The following LRRTM4 variants were observed in gnomAD, a reference collection of about 807,000 sequenced individuals.
LRRTM4 encodes leucine-rich repeat transmembrane neuronal protein 4.
Under a neutral mutation model 47.6 loss-of-function variants are expected in LRRTM4, and 25 were observed. That is an observed-to-expected ratio of 0.53 (90% confidence interval 0.38 to 0.73). The LOEUF (loss-of-function observed/expected upper bound fraction) is 0.73. LRRTM4 is among the 30% of genes least tolerant of loss of function. The probability of loss-of-function intolerance (pLI) is 0.00; values close to 1 mark genes in which losing one functional copy is unlikely to be tolerated. For missense variants in LRRTM4, 638 were observed against 713.4 expected (o/e 0.89, Z 1.20); for synonymous variants, 311 against 269.5 (o/e 1.15, Z -1.51).
intron 3 of LRRTM4, among the ~76,000 whole-genome samples, chr2:76,824,375 G>A (rs1047236384): frequency 6.6e-6 from 1 of 151,524 alleles, no homozygotes; most frequent in Admixed American, 6.6e-5. Flanking sequence ...CTGCATAATT[G>A]TCATAGAATG....
chr2:77,196,564 C>G (rs187389538), intron 3 of LRRTM4, among the ~76,000 whole-genome samples: 3 of 151,972 alleles, frequency 2.0e-5, no homozygotes, highest in Admixed American at 1.3e-4. Flanking sequence ...GCCAATATGG[C>G]GAAACCTCAC....
At chr2:77,045,219 T>C (rs1438277378) in intron 3 of LRRTM4, among the ~76,000 whole-genome samples, 1 of 150,756 alleles carries the variant, frequency 6.6e-6, no homozygotes, top group African/African-American at 2.4e-5. Context: ...TTTTAAATGT[T>C]TGTTACAAAA....
intron 3 of LRRTM4, among the ~76,000 whole-genome samples, chr2:76,769,680 A>C (rs1224520435): frequency 6.6e-6 from 1 of 152,152 alleles, no homozygotes; most frequent in Non-Finnish European, 1.5e-5. Flanking sequence ...TGACGCCAAC[A>C]TACTGAATTC....
chr2:76,932,180 C>G (rs1674791871), intron 3 of LRRTM4, among the ~76,000 whole-genome samples: 4 of 152,078 alleles, frequency 2.6e-5, no homozygotes, highest in African/African-American at 9.7e-5. Context: ...CAGATGTGAT[C>G]ACCTCCTTAG....
intron 3 of LRRTM4, among the ~76,000 whole-genome samples, chr2:77,370,776 T>C (rs1672628548): frequency 6.6e-6 from 1 of 151,638 alleles, no homozygotes; most frequent in African/African-American, 2.4e-5. Flanking sequence ...TGTCAGAGGA[T>C]TTATTATTAT....
intron 3 of LRRTM4, chr2:77,009,864 C>T (rs1290347347): frequency 1.3e-5 from 2 of 151,764 alleles, no homozygotes; most frequent in African/African-American, 4.8e-5. Context: ...TAAAGAAGAC[C>T]TCTTCAAGTC....
intron 3 of LRRTM4, among the ~76,000 whole-genome samples, chr2:77,012,815 G>A (rs1677922861): frequency 6.6e-6 from 1 of 152,088 alleles, no homozygotes; most frequent in Non-Finnish European, 1.5e-5. Flanking sequence ...CTCAAACAAG[G>A]ATTGCTTTGC....
intron 3 of LRRTM4, among the ~76,000 whole-genome samples, chr2:77,494,230 C>G (rs1678275815): frequency 6.6e-6 from 1 of 151,998 alleles, no homozygotes; most frequent in African/African-American, 2.4e-5. Flanking sequence ...ACTTATGAGG[C>G]TAGAAATGTA....
chr2:76,913,039 T>C (rs1218584843), intron 3 of LRRTM4, among the ~76,000 whole-genome samples: 1 of 152,204 alleles, frequency 6.6e-6, no homozygotes, highest in African/African-American at 2.4e-5. Flanking sequence ...TTTCCTACCT[T>C]AGACAACACT....
At chr2:77,260,536 A>G (rs556531808) in intron 3 of LRRTM4, among the ~76,000 whole-genome samples, 1 of 152,162 alleles carries the variant, frequency 6.6e-6, no homozygotes, top group Non-Finnish European at 1.5e-5. Flanking sequence ...TGTTTTCCTA[A>G]TAGCTATTAA....
chr2:76,941,326 A>T (rs1374463848), intron 3 of LRRTM4, among the ~76,000 whole-genome samples: 1 of 152,092 alleles, frequency 6.6e-6, no homozygotes, highest in Non-Finnish European at 1.5e-5. Flanking sequence ...ATATATTTTT[A>T]AATTATACTT....
At chr2:77,496,183 A>G (rs1678356996) in intron 3 of LRRTM4, among the ~76,000 whole-genome samples, 1 of 151,900 alleles carries the variant, frequency 6.6e-6, no homozygotes, top group Non-Finnish European at 1.5e-5. Flanking sequence ...ATTTTTGTGT[A>G]ATATTCTTGT....
chr2:77,284,370 T>G (rs1178626170), intron 3 of LRRTM4, among the ~76,000 whole-genome samples: 1 of 152,142 alleles, frequency 6.6e-6, no homozygotes, highest in Admixed American at 6.6e-5. Flanking sequence ...AAATTTAAAC[T>G]GGCTGGTAAT....
chr2:77,426,822 C>T (rs1675125197), intron 3 of LRRTM4, among the ~76,000 whole-genome samples: 1 of 143,080 alleles, frequency 7.0e-6, no homozygotes, highest in Admixed American at 6.9e-5. Context: ...CACACACACA[C>T]ACACACATGC....
chr2:76,839,638 A>G (rs937486059), intron 3 of LRRTM4, among the ~76,000 whole-genome samples: 7 of 152,086 alleles, frequency 4.6e-5, no homozygotes, highest in African/African-American at 1.4e-4. Context: ...TCATGAAAAT[A>G]TAATTATTCA....
intron 3 of LRRTM4, among the ~76,000 whole-genome samples, chr2:77,444,715 T>C (rs1051443514): frequency 2.0e-5 from 3 of 151,880 alleles, no homozygotes; most frequent in Non-Finnish European, 4.4e-5. Context: ...AAAACAGGAG[T>C]GTTTATTAAA....
intron 3 of LRRTM4, among the ~76,000 whole-genome samples, chr2:77,265,839 GT>G (rs1308652170): frequency 1.3e-5 from 2 of 152,124 alleles, no homozygotes; most frequent in Non-Finnish European, 2.9e-5. Flanking sequence ...TATTAGAATA[GT>G]TGATTATTTT....
intron 3 of LRRTM4, among the ~76,000 whole-genome samples, chr2:77,316,298 C>G (rs769371478): frequency 6.6e-6 from 1 of 151,976 alleles, no homozygotes; most frequent in South Asian, 2.1e-4. Flanking sequence ...TCTCAGCAAG[C>G]CTGAGAATTA....
rs386390525 is a variant in LRRTM4, at chr2:77,083,783, C to CTTTTT, written c.1552-334872_1552-334868dup. On this transcript the variant is annotated intron_variant, in intron 3 of 3. Transcript: ENST00000409884. ...ACTTCTCAATTTTTAACTGGACACA[C>CTTTTT]TTTTTTTTTTTTTTTTTTTTTTTTT... Among the ~76,000 whole-genome samples the CTTTTT allele has an allele frequency of 8.2e-3, 431 of 52,368 alleles. 107 individuals are homozygous for CTTTTT. The highest frequency in any genetic ancestry group is 0.013 in the Non-Finnish European group (311 of 23,532). 34.4% of individuals were successfully genotyped at this position (52,368 alleles called of 152,430 possible). A position where few individuals can be genotyped will look rare whatever the true frequency, so the allele number is the denominator to read the frequency against.
Sources: gnomAD v4.1 joint callset for allele counts (sites outside exome capture counted in the v4.1 genomes callset) on GRCh38, gnomAD v4.1.1 for gene constraint, MANE v1.5 for transcripts, NCBI Gene and HGNC (gene_info 2026-07-23, HGNC 2026-07-21) for gene names.